SYT16: variants seen among roughly 807,000 people sequenced by gnomAD.
The protein encoded by SYT16 is synaptotagmin 16, also known as synaptotagmin-16.
Under a neutral mutation model 61.4 loss-of-function variants are expected in SYT16, and 42 were observed. That is an observed-to-expected ratio of 0.68 (90% CI 0.53 to 0.89). SYT16 has a LOEUF of 0.89. Ranked by LOEUF, SYT16 falls within the 40% of genes least tolerant of loss-of-function variation. The pLI is 0.00. For synonymous variants in SYT16, 314 were observed against 302.3 expected (o/e 1.04, Z -0.40); for missense variants, 804 against 807.3 (o/e 1.00, Z 0.05).
chr14:61,891,907 G>A (rs553182028), intron 1 of SYT16, among the ~76,000 whole-genome samples: 3 of 152,260 alleles, frequency 2.0e-5, no homozygotes, highest in African/African-American at 4.8e-5. Flanking sequence ...TTTAAAGGTT[G>A]TTTTGGAAAA....
At position 61,996,278 on chromosome 14, in the gene SYT16, G is replaced by A. The variant is rs756413004; in HGVS notation, c.259G>A (p.Glu87Lys). The A allele has an allele frequency of 5.6e-6, 9 of 1,613,588 alleles. No homozygotes were observed. In the South Asian group the frequency reaches 9.9e-5, roughly 18 times the overall value. ...AGAGGATGCAAATTCCTTGTTTCTT[G>A]AAGTGGATCATTTCTCATGTTGTAA... Reference protein sequence around the residue: ...SQEDANSLFLEVDHFSCCNSD... With the variant: ...SQEDANSLFLKVDHFSCCNSD... Residue 87 changes from glutamate to lysine, a missense_variant, in exon 3 of 8, where the codon GAA (glutamate) becomes AAA (lysine). Glu to Lys is a moderately conservative substitution (Grantham distance 56). Transcript: ENST00000683842.
intron 3 of SYT16, among the ~76,000 whole-genome samples, chr14:62,030,101 C>G (rs529124511): frequency 2.0e-5 from 3 of 152,290 alleles, no homozygotes; most frequent in South Asian, 2.1e-4. Context: ...GGAGATAGCA[C>G]AGATAAGCTG....
At chr14:61,939,745 A>C (rs1293501973) in intron 1 of SYT16, among the ~76,000 whole-genome samples, 1 of 152,186 alleles carries the variant, frequency 6.6e-6, no homozygotes, top group Non-Finnish European at 1.5e-5. Flanking sequence ...TATGGGAGAC[A>C]CAGTTCAGTC....
intron 1 of SYT16, among the ~76,000 whole-genome samples, chr14:61,964,323 C>T (rs1366215091): frequency 2.6e-5 from 4 of 152,028 alleles, no homozygotes; most frequent in African/African-American, 9.7e-5. Flanking sequence ...GTCAAAATAT[C>T]AATATTAACA....
At chr14:61,919,616 T>C (rs776594467) in intron 1 of SYT16, among the ~76,000 whole-genome samples, 1 of 152,214 alleles carries the variant, frequency 6.6e-6, no homozygotes, top group African/African-American at 2.4e-5. Flanking sequence ...GTCCTTCTTA[T>C]CTGATTCCCT....
intron 1 of SYT16, among the ~76,000 whole-genome samples, chr14:61,815,488 G>A (rs893840806): frequency 6.6e-6 from 1 of 152,162 alleles, no homozygotes; most frequent in African/African-American, 2.4e-5. Flanking sequence ...CATTTCTGGA[G>A]AGAATCCAGA....
At chr14:61,961,293 T>C (rs1485631489) in intron 1 of SYT16, among the ~76,000 whole-genome samples, 1 of 152,142 alleles carries the variant, frequency 6.6e-6, no homozygotes, top group Non-Finnish European at 1.5e-5. Context: ...GGAAAGAGCT[T>C]CTGCACAGCA....
At chr14:62,068,269 C>A (rs2056146073) in intron 3 of SYT16, among the ~76,000 whole-genome samples, 2 of 152,028 alleles carry the variant, frequency 1.3e-5, no homozygotes, top group South Asian at 4.1e-4. Flanking sequence ...GCCATTTGCC[C>A]TAACATGAAT....
intron 2 of SYT16, among the ~76,000 whole-genome samples, chr14:61,986,014 T>C (rs1483711005): frequency 6.6e-6 from 1 of 152,178 alleles, no homozygotes; most frequent in Non-Finnish European, 1.5e-5. Context: ...CCAAGTGTAA[T>C]TCTATCATTT....
chr14:61,977,058 G>C (rs537406024), intron 2 of SYT16, among the ~76,000 whole-genome samples: 1 of 152,160 alleles, frequency 6.6e-6, no homozygotes, highest in Non-Finnish European at 1.5e-5. Context: ...GGTGGCCTTT[G>C]CTCCTGTTTC....
chr14:61,931,302 A>G (rs1057400000), intron 1 of SYT16, among the ~76,000 whole-genome samples: 1 of 152,204 alleles, frequency 6.6e-6, no homozygotes, highest in African/African-American at 2.4e-5. Context: ...TCAATTGGTT[A>G]TATTTTGCAT....
chr14:62,075,112 T>A, intron 4 of SYT16, 23 bp from the exon 5 acceptor site: 1 of 1,580,362 alleles, frequency 6.3e-7, no homozygotes, highest in South Asian at 1.1e-5. Context: ...GCATTTGAAA[T>A]GGTTTTCTTA....
At chr14:62,050,029 AT>A (rs2055197383) in intron 3 of SYT16, among the ~76,000 whole-genome samples, 1 of 152,206 alleles carries the variant, frequency 6.6e-6, no homozygotes, top group South Asian at 2.1e-4. Flanking sequence ...GCCTTGCTAG[AT>A]TTGGGAAGTT....
intron 1 of SYT16, among the ~76,000 whole-genome samples, chr14:61,902,886 G>A (rs2048572335): frequency 6.6e-6 from 1 of 152,192 alleles, no homozygotes; most frequent in Non-Finnish European, 1.5e-5. Flanking sequence ...CACGAGAACA[G>A]TATGGGGGAA....
At chr14:62,084,738 C>CA (rs1485043886) in intron 7 of SYT16, among the ~76,000 whole-genome samples, 1 of 152,164 alleles carries the variant, frequency 6.6e-6, no homozygotes, top group Non-Finnish European at 1.5e-5. Context: ...TGGAGTAAGG[C>CA]AGATCTGGGA....
intron 7 of SYT16, among the ~76,000 whole-genome samples, chr14:62,092,931 G>A (rs2057140342): frequency 6.6e-6 from 1 of 152,162 alleles, no homozygotes; most frequent in African/African-American, 2.4e-5. Context: ...ATACACTGGA[G>A]AGAGATCAGA....
At chr14:61,817,967 C>T (rs1419762249) in intron 1 of SYT16, among the ~76,000 whole-genome samples, 1 of 152,134 alleles carries the variant, frequency 6.6e-6, no homozygotes, top group Non-Finnish European at 1.5e-5. Flanking sequence ...GCTGTTCTTG[C>T]AGCTTTTCTG....
chr14:61,948,773 A>C (rs1319771172), intron 1 of SYT16, among the ~76,000 whole-genome samples: 1 of 152,228 alleles, frequency 6.6e-6, no homozygotes, highest in Non-Finnish European at 1.5e-5. Flanking sequence ...TGAAGATCAT[A>C]AAAACTTTGT....
rs569533004 is a variant in SYT16 at position 62,021,655 on chromosome 14, T to G, written c.523+25113T>G. The stretch of plus-strand genomic sequence containing the variant: ...GCTGTTTTCCACAGTGCCTGCTGTT[T>G]CCCTCTACCAAGAATGGACTAAAAG... On this transcript the variant is annotated intron_variant, in intron 3 of 7. Transcript: ENST00000683842. Among the ~76,000 whole-genome samples, 3 of 143,906 alleles carry G rather than the reference T, an allele frequency of 2.1e-5. No individual in the cohort carries two copies. The South Asian group carries it at 6.8e-4, about 32-fold the overall frequency. 94.4% of individuals were successfully genotyped at this position (143,906 alleles called of 152,430 possible). A position where few individuals can be genotyped will look rare whatever the true frequency, so the allele number is the denominator to read the frequency against.
Sources: gnomAD v4.1 joint callset for allele counts (sites outside exome capture counted in the v4.1 genomes callset) on GRCh38, gnomAD v4.1.1 for gene constraint, MANE v1.5 for transcripts, NCBI Gene and HGNC (gene_info 2026-07-23, HGNC 2026-07-21) for gene names.